Variants in AFDN observed in about 807,000 individuals in gnomAD.
AFDN encodes afadin.
AFDN carries 68 observed loss-of-function variants against 216.6 expected under a neutral mutation model. The ratio of observed to expected loss-of-function variants is 0.31; its 90% CI spans 0.26 to 0.38. AFDN has a LOEUF of 0.38. AFDN is among the 10% of genes least tolerant of loss of function. AFDN has a pLI of 1.00. For missense variants in AFDN, 2,136 were observed against 2,342.0 expected (o/e 0.91, Z 1.82); for synonymous variants, 868 against 853.7 (o/e 1.02, Z -0.29).
intron 6 of AFDN, among the ~76,000 whole-genome samples, chr6:167,884,269 G>C (rs1786506320): frequency 6.6e-6 from 1 of 152,038 alleles, no homozygotes; most frequent in African/African-American, 2.4e-5. Flanking sequence ...GTTTGAATCA[G>C]TTTCTTCCAA....
At position 167,875,420 on chromosome 6, in the gene AFDN, A is replaced by G; in HGVS notation, c.664A>G (p.Met222Val). 2 of 1,614,056 alleles carry G rather than the reference A, an allele frequency of 1.2e-6. No homozygotes were observed. The highest frequency in any genetic ancestry group is 1.7e-6 in the Non-Finnish European group (2 of 1,179,932). ...AACCATTTCTAATCCTGAGGTGGTT[A>G]TGAAACGACGGAGGCAGCAAAAATT... ...TRTISNPEVV[M>V]KRRRQQKLEK... Residue 222 changes from methionine to valine, a missense_variant, in exon 5 of 34, where the codon ATG becomes GTG. By Grantham distance (21) the Met-to-Val change is conservative. This residue lies in a region of AFDN where 817 missense variants were observed against 965.7 expected (regional missense o/e 0.85). Transcript: ENST00000683244.
At position 167,891,093 on chromosome 6, in the gene AFDN, C is replaced by T. The variant is rs1243117097; in HGVS notation, c.1177+64C>T. 6 of 1,317,868 alleles carry T rather than the reference C, an allele frequency of 4.6e-6. No individual in the cohort carries two copies. In the South Asian group the frequency reaches 6.0e-5, roughly 13 times the overall value. The allele number at this position is 1,317,868 out of a possible 1,614,324, so 81.6% of individuals were successfully genotyped here. ...GCATTTTTAGCTTCAAATCTTTGTACTTTCTAATGCATCTTCAAGTAGTCT... is the reference window on the plus strand; with the variant it reads ...GCATTTTTAGCTTCAAATCTTTGTATTTTCTAATGCATCTTCAAGTAGTCT... On this transcript the variant is annotated intron_variant, in intron 8 of 33. Transcript: ENST00000683244.
upstream of AFDN, chr6:167,826,877 GGCGGGT>G (rs1262695647): frequency 5.5e-5 from 8 of 145,060 alleles, no homozygotes; most frequent in African/African-American, 2.0e-4. Flanking sequence ...GCGGGGCGCG[GGCGGGT>G]GCGGGCGGCG....
In AFDN at chr6:167,947,393, A is replaced by C. The variant is rs1187671490; in HGVS notation, c.3554-460A>C. On this transcript the variant is annotated intron_variant, in intron 27 of 33. Coordinates refer to ENST00000683244, the MANE Select transcript of AFDN (RefSeq NM_001386888.1). ...ACGGGGTTTCACCATGTTAGCCAGG[A>C]TGGTCTCGATCTCCTGACCTCGTGA... Among the ~76,000 whole-genome samples, 4 of 152,132 alleles carry C rather than the reference A, an allele frequency of 2.6e-5. No individual in the cohort carries two copies. The South Asian group carries it at 8.3e-4, about 32-fold the overall frequency.
intron 6 of AFDN, among the ~76,000 whole-genome samples, chr6:167,885,944 A>G (rs759106442): frequency 3.9e-5 from 6 of 152,266 alleles, no homozygotes; most frequent in Non-Finnish European, 7.3e-5. Flanking sequence ...ATGCCTAGAA[A>G]AGATACTAGC....
At chr6:167,862,381 G>GTT (rs869277729) in intron 1 of AFDN, among the ~76,000 whole-genome samples, 1 of 147,906 alleles carries the variant, frequency 6.8e-6, no homozygotes, top group Non-Finnish European at 1.5e-5. Flanking sequence ...TAAAGGTTTG[G>GTT]TTTTTTTTTT....
In AFDN at chr6:167,922,951, A is replaced by G. The variant is rs1240424388; in HGVS notation, c.3004A>G (p.Thr1002Ala). ...DYESHLLREN[T>A]ELAQPLRKEP... ...TGAAAGTCACCTTCTGCGTGAGAAC[A>G]CAGAGCTGGCAAGTATTTTGAGGGT... Residue 1002 changes from threonine to alanine, a missense_variant, in exon 22 of 34, where the codon ACA becomes GCA. By Grantham distance (58) the Thr-to-Ala change is moderately conservative. Transcript: ENST00000683244. 2 of 1,607,720 alleles carry G rather than the reference A, an allele frequency of 1.2e-6. No homozygotes were observed. Among genetic ancestry groups the G allele is most frequent in the Non-Finnish European group, 1.7e-6 (2 of 1,174,676 alleles).
chr6:167,950,392 C>CTCTGTGTG (rs1554316942), intron 29 of AFDN, among the ~76,000 whole-genome samples: 1 of 139,266 alleles, frequency 7.2e-6, no homozygotes, highest in Admixed American at 7.2e-5. Flanking sequence ...TCATTTTTCT[C>CTCTGTGTG]TGTGTCTGTG....
intron 1 of AFDN, among the ~76,000 whole-genome samples, chr6:167,847,533 T>A (rs1781834997): frequency 6.6e-6 from 1 of 152,212 alleles, no homozygotes; most frequent in Non-Finnish European, 1.5e-5. Context: ...CAGCTCACTT[T>A]ACCAATTGCT....
At chr6:167,913,376 G>A (rs929259822) in intron 15 of AFDN, 27 bp from the exon 16 acceptor site, 70 of 1,535,226 alleles carry the variant, frequency 4.6e-5, no homozygotes, top group Non-Finnish European at 5.8e-5. Context: ...CGTTCTGCTT[G>A]ATTTCCCCTC....
intron 1 of AFDN, among the ~76,000 whole-genome samples, chr6:167,851,122 A>G (rs575540193): frequency 1.3e-5 from 2 of 152,104 alleles, no homozygotes; most frequent in Non-Finnish European, 2.9e-5. Flanking sequence ...GTGCCATTCT[A>G]TTTTTTCTAC....
chr6:167,963,926 A>G lies in AFDN; in HGVS notation c.4968+1359A>G, dbSNP rs577831069. 29 of 1,064,660 alleles carry G rather than the reference A, an allele frequency of 2.7e-5. No homozygotes were observed. In the East Asian group the frequency reaches 1.2e-3, roughly 44 times the overall value. 66.0% of individuals were successfully genotyped at this position (1,064,660 alleles called of 1,614,324 possible). The stretch of plus-strand genomic sequence containing the variant: ...TTGGAGGGCTGTGCTTTTCCAGGTC[A>G]GTGCCAGCTTGGCTGTCCCAGGCCG... On this transcript the variant is annotated intron_variant, in intron 31 of 33. Transcript: ENST00000683244.
chr6:167,918,601 C>CGTCT, intron 20 of AFDN, 134 bp from the exon 21 acceptor site: 1 of 815,598 alleles, frequency 1.2e-6, no homozygotes, highest in Non-Finnish European at 2.0e-6. Context: ...CGTAACCCTG[C>CGTCT]GTCTGTCTGT....
chr6:167,962,760 C>G lies in AFDN; in HGVS notation c.4968+193C>G. 7.0e-7 allele frequency: 1 copy of G among 1,430,584 alleles called. No homozygotes were observed. Among genetic ancestry groups the G allele is most frequent in the Middle Eastern group, 2.6e-4 (1 of 3,840 alleles). 88.6% of individuals were successfully genotyped at this position (1,430,584 alleles called of 1,614,324 possible). ...CCCACCTACCTCTCTTCTGGACTGT[C>G]TCCAGATCCCCTTATCTGCCAAGTT... On this transcript the variant is annotated intron_variant, in intron 31 of 33. Coordinates refer to ENST00000683244, the MANE Select transcript of AFDN (RefSeq NM_001386888.1). This position sits in a 1 kb window ranked among gnomAD's most constrained non-coding sequence, Gnocchi z 5.2.
chr6:167,911,055 T>TA (rs776503179), intron 13 of AFDN, 46 bp from the exon 14 acceptor site: 1 of 1,517,700 alleles, frequency 6.6e-7, no homozygotes, highest in South Asian at 1.2e-5. Context: ...GTAATATTGT[T>TA]AGCCATGTGA....
intron 23 of AFDN, among the ~76,000 whole-genome samples, chr6:167,939,825 A>T (rs1317246524): frequency 1.3e-5 from 2 of 152,178 alleles, no homozygotes; most frequent in East Asian, 1.9e-4. Flanking sequence ...AGTGTGTCTT[A>T]GGTCCCTAGA....
chr6:167,836,493 C>T (rs1780450773), intron 1 of AFDN, among the ~76,000 whole-genome samples: 1 of 152,020 alleles, frequency 6.6e-6, no homozygotes, highest in South Asian at 2.1e-4. Flanking sequence ...CAATCACGCA[C>T]ATATGGATTT....
At chr6:167,952,350 G>A in intron 30 of AFDN, 163 bp downstream of exon 30, 2 of 1,505,482 alleles carry the variant, frequency 1.3e-6, no homozygotes, top group Non-Finnish European at 1.8e-6. Context: ...ATGTCGTAGA[G>A]AAATGAGTCA....
At chr6:167,879,528 T>A (rs948584958) in intron 5 of AFDN, among the ~76,000 whole-genome samples, 2 of 152,210 alleles carry the variant, frequency 1.3e-5, no homozygotes, top group Non-Finnish European at 2.9e-5. Flanking sequence ...GGAACCTATC[T>A]TAATTTCTTC....
Sources: gnomAD v4.1 joint callset for allele counts (sites outside exome capture counted in the v4.1 genomes callset) on GRCh38, gnomAD v4.1.1 for gene constraint, gnomAD v4.1.1 regional missense constraint, Gnocchi (gnomAD v3.1) non-coding constraint, MANE v1.5 for transcripts, NCBI Gene and HGNC (gene_info 2026-07-23, HGNC 2026-07-21) for gene names.